Variants in CDH12 observed in about 807,000 individuals in gnomAD.
CDH12 encodes cadherin 12.
In CDH12, 41 loss-of-function variants were observed where a neutral mutation model predicts 74.1. That is an observed-to-expected ratio of 0.55 (90% CI 0.43 to 0.72). The LOEUF is 0.72. Among genes scored for constraint, CDH12 ranks in the 30% least tolerant of loss-of-function variants. CDH12 has a pLI of 0.00. For synonymous variants in CDH12, 399 were observed against 355.0 expected, an observed-to-expected ratio of 1.12 and a Z score of -1.39; for missense variants, 945 against 977.2, an observed-to-expected ratio of 0.97 and a Z score of 0.44.
chr5:22,357,072 T>G (rs1740594130), intron 3 of CDH12, among the ~76,000 whole-genome samples: 1 of 152,086 alleles, frequency 6.6e-6, no homozygotes. Context: ...GATAGAGAGA[T>G]ATAGAGACAG....
chr5:22,637,415 C>T (rs1738898862), intron 1 of CDH12, among the ~76,000 whole-genome samples: 1 of 152,154 alleles, frequency 6.6e-6, no homozygotes, highest in African/African-American at 2.4e-5. Flanking sequence ...AAAGTCCTTC[C>T]TTACACGGGT....
chr5:22,681,429 T>C (rs924350514), intron 1 of CDH12, among the ~76,000 whole-genome samples: 5 of 152,086 alleles, frequency 3.3e-5, no homozygotes, highest in Admixed American at 6.6e-5. Context: ...GTTCCATGCC[T>C]GAGTAGTATA....
intron 3 of CDH12, among the ~76,000 whole-genome samples, chr5:22,338,401 A>G (rs1043124392): frequency 1.3e-5 from 2 of 152,132 alleles, no homozygotes; most frequent in Non-Finnish European, 2.9e-5. Flanking sequence ...GAAAGATAAT[A>G]GAAGGATGAC....
chr5:22,102,429 G>C (rs1331380564), intron 4 of CDH12, among the ~76,000 whole-genome samples: 3 of 152,128 alleles, frequency 2.0e-5, no homozygotes, highest in Admixed American at 6.5e-5. Flanking sequence ...AGCACTTTGG[G>C]AGGCCGAAGC....
At chr5:22,111,382 T>C (rs1278104717) in intron 4 of CDH12, among the ~76,000 whole-genome samples, 1 of 152,190 alleles carries the variant, frequency 6.6e-6, no homozygotes, top group Non-Finnish European at 1.5e-5. Flanking sequence ...GGATTATATG[T>C]AGCTGCTTTC....
At chr5:22,431,847 G>A (rs942138907) in intron 2 of CDH12, among the ~76,000 whole-genome samples, 3 of 152,166 alleles carry the variant, frequency 2.0e-5, no homozygotes, top group Admixed American at 6.5e-5. Context: ...ACATGTTTGT[G>A]TTTTAATCTA....
chr5:22,849,241 C>G (rs995048788), intron 1 of CDH12, among the ~76,000 whole-genome samples: 5 of 152,040 alleles, frequency 3.3e-5, no homozygotes, highest in African/African-American at 1.2e-4. Context: ...AGTTAAATAA[C>G]TTTTCCCAAA....
At chr5:22,813,503 C>A (rs966354149) in intron 1 of CDH12, among the ~76,000 whole-genome samples, 13 of 152,188 alleles carry the variant, frequency 8.5e-5, no homozygotes, top group Middle Eastern at 6.8e-3. Context: ...GGTTTCCACA[C>A]CTTTGGTGAT....
At chr5:22,414,376 CATT>C (rs1743294408) in intron 2 of CDH12, among the ~76,000 whole-genome samples, 1 of 151,810 alleles carries the variant, frequency 6.6e-6, no homozygotes, top group Admixed American at 6.6e-5. Context: ...AATATTTTGA[CATT>C]GTTGTTTGAA....
intron 2 of CDH12, among the ~76,000 whole-genome samples, chr5:22,483,189 T>C (rs1174532004): frequency 2.0e-5 from 3 of 152,154 alleles, no homozygotes; most frequent in African/African-American, 7.2e-5. Context: ...GACTATGTCA[T>C]GTCAAAATTT....
intron 5 of CDH12, among the ~76,000 whole-genome samples, chr5:22,032,601 C>T (rs1018710386): frequency 6.6e-6 from 1 of 151,196 alleles, no homozygotes; most frequent in Non-Finnish European, 1.5e-5. Flanking sequence ...ATCCCAGCTA[C>T]TTGGGAAGCT....
rs989420122 is a variant in CDH12, at chr5:21,772,394, C to T, written c.1394-7295G>A. Among the ~76,000 whole-genome samples the T allele has an allele frequency of 1.6e-4, 24 of 152,114 alleles. 1 individual carries two copies. The highest frequency in any genetic ancestry group is 5.3e-4 in the African/African-American group (22 of 41,510). ...CTTGTACTTATCCTTGGTTTCTTTT[C>T]TCTTTCCTATTCTGAAATCCTGCAT... On this transcript the variant is annotated intron_variant, in intron 11 of 14. Coordinates refer to ENST00000382254, the MANE Select transcript of CDH12 (RefSeq NM_004061.5).
At chr5:22,199,129 A>G (rs1750783967) in intron 4 of CDH12, among the ~76,000 whole-genome samples, 1 of 152,186 alleles carries the variant, frequency 6.6e-6, no homozygotes, top group South Asian at 2.1e-4. Flanking sequence ...ATGCTTACTC[A>G]GATTCCTCCA....
intron 6 of CDH12, among the ~76,000 whole-genome samples, chr5:21,937,450 G>A (rs560212208): frequency 1.3e-3 from 204 of 152,228 alleles, no homozygotes; most frequent in African/African-American, 4.7e-3. Flanking sequence ...TTGGACCCTG[G>A]CACATGGAGG....
intron 5 of CDH12, among the ~76,000 whole-genome samples, chr5:22,073,901 G>A (rs1240210348): frequency 6.6e-6 from 1 of 152,022 alleles, no homozygotes; most frequent in Admixed American, 6.6e-5. Flanking sequence ...TTGACAATGG[G>A]AACTATACAA....
intron 1 of CDH12, among the ~76,000 whole-genome samples, chr5:22,646,535 T>C (rs1739440690): frequency 6.6e-6 from 1 of 151,932 alleles, no homozygotes; most frequent in Non-Finnish European, 1.5e-5. Context: ...AACTATTTGA[T>C]TTAAAAAGTA....
chr5:22,462,800 A>C (rs2126588691), intron 2 of CDH12, among the ~76,000 whole-genome samples: 1 of 152,356 alleles, frequency 6.6e-6, no homozygotes, highest in East Asian at 1.9e-4. Flanking sequence ...GTATGTGAGA[A>C]AAAATAACAA....
At chr5:21,973,311 T>A (rs1230319011) in intron 6 of CDH12, among the ~76,000 whole-genome samples, 1 of 152,194 alleles carries the variant, frequency 6.6e-6, no homozygotes. Context: ...TAAGGGCACA[T>A]GAGAAAACAC....
At chr5:22,376,982 G>C (rs1242606689) in intron 3 of CDH12, among the ~76,000 whole-genome samples, 4 of 152,050 alleles carry the variant, frequency 2.6e-5, no homozygotes, top group Non-Finnish European at 4.4e-5. Context: ...TAAAGACAGG[G>C]TATTAGTTTA....
Sources: gnomAD v4.1 joint callset for allele counts (sites outside exome capture counted in the v4.1 genomes callset) on GRCh38, gnomAD v4.1.1 for gene constraint, MANE v1.5 for transcripts, NCBI Gene and HGNC (gene_info 2026-07-23, HGNC 2026-07-21) for gene names.